DLEC1: variants seen among roughly 807,000 people sequenced by gnomAD.
The protein encoded by DLEC1 is deleted in lung and esophageal cancer protein 1.
In DLEC1, 146 loss-of-function variants were observed where a neutral mutation model predicts 198.1. That is an observed-to-expected ratio of 0.74 (90% CI 0.64 to 0.85). DLEC1 has a LOEUF of 0.85. DLEC1 is among the 40% of genes least tolerant of loss of function. The pLI, the probability that DLEC1 is intolerant of heterozygous loss-of-function variation, is 0.00. For synonymous variants in DLEC1, 897 were observed against 866.8 expected, an observed-to-expected ratio of 1.03 and a Z score of -0.61; for missense variants, 2,233 against 2,220.0, an observed-to-expected ratio of 1.01 and a Z score of -0.12.
In DLEC1 at chr3:38,095,172, CG is replaced by C; in HGVS notation, c.2112+102del. On this transcript the variant is annotated intron_variant, in intron 13 of 36. Transcript: ENST00000308059. ...ACACTGAAGCCACAGCTGGGCCCAC[CG>C]AGGTGCTATCCTGCCCAGGCCAGCA... The C allele has an allele frequency of 2.1e-6, 3 of 1,453,882 alleles. 1 individual carries two copies. The highest frequency in any genetic ancestry group is 2.6e-5 in the South Asian group (2 of 77,556). 90.1% of individuals were successfully genotyped at this position (1,453,882 alleles called of 1,614,324 possible).
In DLEC1 at chr3:38,062,338, G is replaced by A; in HGVS notation, c.843G>A (p.Lys281=). The A allele has an allele frequency of 4.3e-6, 7 of 1,614,216 alleles. No individual in the cohort carries two copies. The highest frequency in any genetic ancestry group is 5.9e-6 in the Non-Finnish European group (7 of 1,180,048). ...GCCTGACATGGAATTTAACTCCTAA[G>A]GCCAAAGAAAGGACCAGAGAACCTC... The part of the protein sequence containing the change: ...VDSLTWNLTP[K]AKERTREPLK... Residue 281 remains lysine, a synonymous_variant, in exon 4 of 37, where the codon AAG becomes AAA. Coordinates refer to ENST00000308059, the MANE Select transcript of DLEC1 (RefSeq NM_007335.4).
intron 25 of DLEC1, among the ~76,000 whole-genome samples, chr3:38,113,937 TA>T (rs1238163216): frequency 1.3e-5 from 2 of 151,876 alleles, no homozygotes; most frequent in Non-Finnish European, 2.9e-5. Context: ...TCTTTTCATT[TA>T]AAAGACAGAA....
chr3:38,110,001 T>A, intron 22 of DLEC1, 98 bp from the exon 23 acceptor site: 1 of 1,363,572 alleles, frequency 7.3e-7, no homozygotes, highest in East Asian at 2.3e-5. Context: ...AAGCCTGGTG[T>A]CTGGGCAGCT....
At chr3:38,121,412 C>A (rs943297631) in intron 34 of DLEC1, among the ~76,000 whole-genome samples, 1 of 152,188 alleles carries the variant, frequency 6.6e-6, no homozygotes, top group Admixed American at 6.5e-5. Context: ...GCAGGGACAG[C>A]GGGGGAATGG....
Position 38,110,231 on chromosome 3 carries a change from G to A in DLEC1, c.3393G>A (p.Lys1131=), listed in dbSNP as rs1384742265. 6.2e-7 allele frequency: 1 copy of A among 1,614,162 alleles called. No homozygotes were observed. The highest frequency in any genetic ancestry group is 8.5e-7 in the Non-Finnish European group (1 of 1,180,018). The change falls in exon 23 of 37, where the codon AAG becomes AAA. Residue 1131 remains lysine, a synonymous_variant. Transcript: ENST00000308059. The part of the protein sequence containing the change: ...RSPIRTRFSL[K]FEYFGSPQNS... Reference sequence around the variant, plus strand: ...CAATACGGACCCGTTTCTCCCTCAAGTTTGAGTATTTCGGGAGCCCCCAAA... The same window carrying A: ...CAATACGGACCCGTTTCTCCCTCAAATTTGAGTATTTCGGGAGCCCCCAAA...
chr3:38,085,345 G>A lies in DLEC1; in HGVS notation c.1333G>A (p.Asp445Asn), dbSNP rs761428385. Residue 445 changes from aspartate to asparagine, a missense_variant, in exon 8 of 37, where the codon GAC (aspartate) becomes AAC (asparagine). Physicochemically the swap from Asp to Asn is conservative, Grantham distance 23. Transcript: ENST00000308059. ...TCQYIVQFFP[D>N]CLGDFDDFIL... ...CCAGTACATTGTCCAGTTTTTTCCC[G>A]ACTGCCTTGGGGATTTTGATGATTT... The A allele has an allele frequency of 1.9e-5, 30 of 1,614,102 alleles. No individual in the cohort carries two copies. Among genetic ancestry groups the A allele is most frequent in the Admixed American group, 8.3e-5 (5 of 60,020 alleles).
Position 38,122,935 on chromosome 3 carries a change from GCCA to G in DLEC1, c.*533_*535del. ...GTTGAAGTGCCTTGATCTGTCCACTGCCACCACCACCAGTGCTGAGTTTTCCCA... is the reference window on the plus strand; with the variant it reads ...GTTGAAGTGCCTTGATCTGTCCACTGCCACCACCAGTGCTGAGTTTTCCCA... On this transcript the variant is annotated 3_prime_UTR_variant, in exon 37 of 37. Transcript: ENST00000308059. The G allele has an allele frequency of 9.0e-7, 1 of 1,107,306 alleles. No homozygotes were observed. The highest frequency in any genetic ancestry group is 1.3e-6 in the Non-Finnish European group (1 of 741,758). The allele number at this position is 1,107,306 out of a possible 1,614,324, so 68.6% of individuals were successfully genotyped here. A position where few individuals can be genotyped will look rare whatever the true frequency, so the allele number is the denominator to read the frequency against.
chr3:38,056,062 TACACACACACACACACACACAC>T (rs57610638), intron 2 of DLEC1, among the ~76,000 whole-genome samples: 46 of 120,520 alleles, frequency 3.8e-4, no homozygotes, highest in African/African-American at 9.1e-4. Context: ...CTACAAAAAA[TACACACACACACACACACACAC>T]ACACACACAC....
At chr3:38,066,990 G>T (rs1359179932) in intron 6 of DLEC1, among the ~76,000 whole-genome samples, 6 of 152,208 alleles carry the variant, frequency 3.9e-5, no homozygotes, top group Non-Finnish European at 8.8e-5. Flanking sequence ...GAATAGAATA[G>T]GGAAAAGGGA....
chr3:38,102,336 C>G (rs1477056947), intron 19 of DLEC1, among the ~76,000 whole-genome samples: 1 of 152,202 alleles, frequency 6.6e-6, no homozygotes, highest in Non-Finnish European at 1.5e-5. Context: ...CGCCCCTTCC[C>G]CTGCTGGGTG....
intron 20 of DLEC1, among the ~76,000 whole-genome samples, chr3:38,108,191 C>T (rs1424011746): frequency 1.3e-5 from 2 of 152,208 alleles, no homozygotes; most frequent in Non-Finnish European, 2.9e-5. Flanking sequence ...AGATAACCTC[C>T]CAACAAGTGG....
At chr3:38,061,693 G>A (rs1677980668) in intron 3 of DLEC1, among the ~76,000 whole-genome samples, 1 of 151,986 alleles carries the variant, frequency 6.6e-6, no homozygotes, top group Admixed American at 6.6e-5. Context: ...TTTGAGACCG[G>A]GTCTTGCTTT....
intron 10 of DLEC1, among the ~76,000 whole-genome samples, chr3:38,092,392 G>T (rs1217454298): frequency 1.3e-5 from 2 of 152,168 alleles, no homozygotes; most frequent in Non-Finnish European, 1.5e-5. Flanking sequence ...GGGGTTGGGG[G>T]AATTGGGGAA....
At position 38,116,986 on chromosome 3, in the gene DLEC1, TG is replaced by T; in HGVS notation, c.4196del (p.Gly1399AlafsTer32). On this transcript the variant is annotated frameshift_variant, in exon 30 of 37. Coordinates refer to ENST00000308059, the MANE Select transcript of DLEC1 (RefSeq NM_007335.4). LOFTEE classifies it high-confidence loss of function. ...ISPKQVVVPA[G>X]GSSTIYISFT... ...TGTGTCTATGCCAGGTGGTCCCTGC[TG>T]GGGGCAGCAGTACCATCTACATCTC... The T allele has an allele frequency of 6.2e-7, 1 of 1,613,884 alleles. No individual in the cohort carries two copies. The highest frequency in any genetic ancestry group is 1.1e-5 in the South Asian group (1 of 91,080).
In DLEC1 at chr3:38,064,674, G is replaced by A. The variant is rs1382326088; in HGVS notation, c.1173+755G>A. On this transcript the variant is annotated intron_variant, in intron 6 of 36. Coordinates refer to ENST00000308059, the MANE Select transcript of DLEC1 (RefSeq NM_007335.4). ...ACCTCCCGGACGGGGTGGCTGCGGGGCAGAGACACTCCTCAGTTCCCAGAC... is the reference window on the plus strand; with the variant it reads ...ACCTCCCGGACGGGGTGGCTGCGGGACAGAGACACTCCTCAGTTCCCAGAC... 5.9e-3 allele frequency among the ~76,000 whole-genome samples: 878 copies of A among 149,476 alleles called. 1 individual carries two copies. The highest frequency in any genetic ancestry group is 0.02 in the African/African-American group (809 of 39,466).
In DLEC1 at chr3:38,110,237, G is replaced by C; in HGVS notation, c.3399G>C (p.Glu1133Asp). The C allele has an allele frequency of 6.2e-7, 1 of 1,614,150 alleles. No homozygotes were observed. The highest frequency in any genetic ancestry group is 8.5e-7 in the Non-Finnish European group (1 of 1,180,016). Residue 1133 changes from glutamate to aspartate, a missense_variant, in exon 23 of 37, where the codon GAG (glutamate) becomes GAC (aspartate). By Grantham distance (45) the Glu-to-Asp change is conservative. Transcript: ENST00000308059. ...PIRTRFSLKFEYFGSPQNSLS... is the reference protein window; with the variant it reads ...PIRTRFSLKFDYFGSPQNSLS... ...GGACCCGTTTCTCCCTCAAGTTTGA[G>C]TATTTCGGGAGCCCCCAAAACAGCC...
At chr3:38,057,012 T>G (rs376773218) in intron 2 of DLEC1, among the ~76,000 whole-genome samples, 104 of 152,360 alleles carry the variant, frequency 6.8e-4, no homozygotes, top group African/African-American at 2.4e-3. Flanking sequence ...ACTGCCTTTT[T>G]GTGGGCCTCC....
At chr3:38,093,853 CA>C in intron 12 of DLEC1, 86 bp downstream of exon 12, 1 of 1,534,102 alleles carries the variant, frequency 6.5e-7, no homozygotes, top group Non-Finnish European at 8.9e-7. Context: ...GAGGTCCTTC[CA>C]AGGGCCTGGG....
intron 2 of DLEC1, among the ~76,000 whole-genome samples, chr3:38,049,173 A>G (rs1361599834): frequency 6.6e-6 from 1 of 152,092 alleles, no homozygotes; most frequent in African/African-American, 2.4e-5. Flanking sequence ...TTTACCCAAG[A>G]ATGATATTAA....
Sources: gnomAD v4.1 joint callset for allele counts (sites outside exome capture counted in the v4.1 genomes callset) on GRCh38, gnomAD v4.1.1 for gene constraint, MANE v1.5 for transcripts, NCBI Gene and HGNC (gene_info 2026-07-23, HGNC 2026-07-21) for gene names.